The following RNASET2 variants were observed in gnomAD, a reference collection of about 807,000 sequenced individuals.
RNASET2 encodes the protein ribonuclease 6.
In RNASET2, 28 loss-of-function variants were observed where a neutral mutation model predicts 33.9. That is an observed-to-expected ratio of 0.83 (90% CI 0.61 to 1.13). The LOEUF is 1.13. Ranked by LOEUF, RNASET2 falls within the 50% of genes most tolerant of loss-of-function variation. The pLI, the probability that RNASET2 is intolerant of heterozygous loss-of-function variation, is 0.00. For missense variants in RNASET2, 330 were observed against 319.9 expected (o/e 1.03, Z -0.24); for synonymous variants, 123 against 121.0 (o/e 1.02, Z -0.11).
intron 1 of RNASET2, among the ~76,000 whole-genome samples, chr6:166,955,264 C>T (rs1479332615): frequency 9.0e-6 from 1 of 110,714 alleles, no homozygotes; most frequent in Non-Finnish European, 1.7e-5. Flanking sequence ...CACGCACACA[C>T]ACACACGCGC....
In RNASET2 at chr6:166,929,182, C is replaced by A. The variant is rs1395863516; in HGVS notation, c.*406G>T. 3.9e-5 allele frequency among the ~76,000 whole-genome samples: 6 copies of A among 152,236 alleles called. No individual in the cohort carries two copies. The highest frequency in any genetic ancestry group is 1.2e-4 in the African/African-American group (5 of 41,468). On this transcript the variant is annotated 3_prime_UTR_variant, in exon 9 of 9. Coordinates refer to ENST00000508775, the MANE Select transcript of RNASET2 (RefSeq NM_003730.6). Reference sequence around the variant, plus strand: ...GGCCCACCAGGCATCAGCGTGGGCTCCTGCCATGCGTGGAGCTCTTCGTCT... The same window carrying A: ...GGCCCACCAGGCATCAGCGTGGGCTACTGCCATGCGTGGAGCTCTTCGTCT...
In RNASET2 at chr6:166,934,078, A is replaced by G; in HGVS notation, c.492+13T>C. 6.2e-7 allele frequency: 1 copy of G among 1,604,438 alleles called. No homozygotes were observed. Among genetic ancestry groups the G allele is most frequent in the Non-Finnish European group, 8.5e-7 (1 of 1,171,254 alleles). ...GAGAGACACACGAGAAAAGAAGCAAAAGCAAGACTTACTTGGTAGTAATTG... is the reference window on the plus strand; with the variant it reads ...GAGAGACACACGAGAAAAGAAGCAAGAGCAAGACTTACTTGGTAGTAATTG... On this transcript the variant is annotated intron_variant, in intron 7 of 8. Transcript: ENST00000508775.
intron 1 of RNASET2, among the ~76,000 whole-genome samples, chr6:166,955,189 G>GCACACACACA: frequency 1.8e-5 from 1 of 56,650 alleles, no homozygotes. Flanking sequence ...ACACACACAC[G>GCACACACACA]CACACACGCA....
In RNASET2 at chr6:166,926,797, T is replaced by C. The variant is rs1778312778; in HGVS notation, c.*2791A>G. 6.6e-6 allele frequency among the ~76,000 whole-genome samples: 1 copy of C among 152,202 alleles called. No individual in the cohort carries two copies. Among genetic ancestry groups the C allele is most frequent in the South Asian group, 2.1e-4 (1 of 4,828 alleles). On this transcript the variant is annotated 3_prime_UTR_variant, in exon 9 of 9. Transcript: ENST00000508775. ...TCTCGCTTTTACCTATGGTGTCTTT[T>C]TCCACCATAAGTTCCACTCATCCCT...
intron 7 of RNASET2, chr6:166,931,668 C>T: frequency 5.8e-6 from 1 of 172,732 alleles, no homozygotes; most frequent in Non-Finnish European, 1.3e-5. Context: ...CCTCCTCGCT[C>T]TACTGAGGGA....
chr6:166,956,165 C>T lies in RNASET2; in HGVS notation c.18G>A (p.Leu6=). The T allele has an allele frequency of 6.5e-7, 1 of 1,549,786 alleles. No individual in the cohort carries two copies. Among genetic ancestry groups the T allele is most frequent in the Non-Finnish European group, 8.7e-7 (1 of 1,146,628 alleles). Reference sequence around the variant, plus strand: ...AGAGGCAGCCCAGCAGGGCCCCGCGCAGGGCTGCAGGGCGCATGGTGCCGA... The same window carrying T: ...AGAGGCAGCCCAGCAGGGCCCCGCGTAGGGCTGCAGGGCGCATGGTGCCGA... MRPAA[L]RGALLGCLCL... is the part of the protein sequence containing the mutation. Residue 6 remains leucine (L), a synonymous_variant, in exon 1 of 9, where the codon CTG becomes CTA. Coordinates refer to ENST00000508775, the MANE Select transcript of RNASET2 (RefSeq NM_003730.6).
rs986112052 is a variant in RNASET2 at position 166,943,598 on chromosome 6, G to A, written c.262-509C>T. The A allele has an allele frequency of 5.1e-5, 18 of 351,170 alleles. No homozygotes were observed. In the Admixed American group the frequency reaches 5.8e-4, roughly 11 times the overall value. The allele number at this position is 351,170 out of a possible 1,614,324, so 21.8% of individuals were successfully genotyped here. On this transcript the variant is annotated intron_variant, in intron 4 of 8. Coordinates refer to ENST00000508775, the MANE Select transcript of RNASET2 (RefSeq NM_003730.6). ...GGGTTTAGGGCCAGCGGCTGCTCCA[G>A]AGCACACTGGGTGGGACTTGCTCTC...
Position 166,955,341 on chromosome 6 carries a change from G to A in RNASET2, c.86+756C>T, listed in dbSNP as rs1374421634. ...CGCACACACACGCACGCACGCACAC[G>A]CACACGCACGCACACACACACGCAC... is the stretch of plus-strand genomic sequence containing the variant. On this transcript the variant is annotated intron_variant, in intron 1 of 8. Coordinates refer to ENST00000508775, the MANE Select transcript of RNASET2 (RefSeq NM_003730.6). The A allele has an allele frequency of 1.1e-3, 117 of 105,010 alleles. 5 individuals are homozygous for A. In the South Asian group the frequency reaches 0.027, roughly 24 times the overall value. The allele number at this position is 105,010 out of a possible 1,614,324, so 6.5% of individuals were successfully genotyped here.
rs1778253709 is a variant in RNASET2, at chr6:166,922,876, C to T, written c.*6712G>A. Among the ~76,000 whole-genome samples the T allele has an allele frequency of 6.6e-6, 1 of 152,206 alleles. No individual in the cohort carries two copies. The highest frequency in any genetic ancestry group is 2.4e-5 in the African/African-American group (1 of 41,442). Reference sequence around the variant, plus strand: ...ACAGGTACCAACCACCAAAGCTGTACACGCCAGGTTCAATGTCTTTGCTGG... The same window carrying T: ...ACAGGTACCAACCACCAAAGCTGTATACGCCAGGTTCAATGTCTTTGCTGG... On this transcript the variant is annotated 3_prime_UTR_variant, in exon 9 of 9. Transcript: ENST00000508775.
chr6:166,937,335 C>G (rs571913123), intron 6 of RNASET2, among the ~76,000 whole-genome samples: 2 of 152,086 alleles, frequency 1.3e-5, no homozygotes, highest in Non-Finnish European at 2.9e-5. Context: ...TGGGATTTCA[C>G]CATGTTGGCC....
At chr6:166,945,040 C>T (rs1025236978) in intron 4 of RNASET2, 2 of 145,574 alleles carry the variant, frequency 1.4e-5, no homozygotes, top group African/African-American at 5.5e-5. Context: ...CTCACCCACC[C>T]ACGTCCACAT....
rs1427844452 is a variant in RNASET2, at chr6:166,946,812, A to G, written c.204-73T>C. The G allele has an allele frequency of 9.5e-6, 8 of 840,416 alleles. No homozygotes were observed. The East Asian group carries it at 1.8e-4, about 19-fold the overall frequency. 52.1% of individuals were successfully genotyped at this position (840,416 alleles called of 1,614,324 possible). On this transcript the variant is annotated intron_variant, in intron 3 of 8. Transcript: ENST00000508775. ...TGGGGTGGCTTCTACATGACCTTAG[A>G]AAACACTTTCATTGAAGTCTGCAAA... is the stretch of plus-strand genomic sequence containing the variant.
Position 166,933,776 on chromosome 6 carries a change from G to T in RNASET2, c.492+315C>A. The T allele has an allele frequency of 2.5e-6, 1 of 403,800 alleles. No individual in the cohort carries two copies. The allele number at this position is 403,800 out of a possible 1,614,324, so 25.0% of individuals were successfully genotyped here. A position where few individuals can be genotyped will look rare whatever the true frequency, so the allele number is the denominator to read the frequency against. ...GAAAACAAACCACAAACAAATATAA[G>T]ACTACGTTATAAAAGTGAATGTGAC... On this transcript the variant is annotated intron_variant, in intron 7 of 8. Transcript: ENST00000508775. The surrounding 1 kb of genome is among the most constrained non-coding windows in gnomAD (Gnocchi z 4.1).
intron 7 of RNASET2, chr6:166,932,398 C>G (rs1316392934): frequency 6.5e-6 from 1 of 153,134 alleles, no homozygotes; most frequent in Non-Finnish European, 1.5e-5. Context: ...CCCTCCTGCT[C>G]TGCCCCTGAG....
intron 1 of RNASET2, among the ~76,000 whole-genome samples, chr6:166,955,290 G>GA (rs1779108777): frequency 1.5e-5 from 1 of 68,466 alleles, no homozygotes; most frequent in Non-Finnish European, 2.5e-5. Context: ...CGACACACAC[G>GA]CACAGACGCG....
At chr6:166,931,812 C>G (rs1778450001) in intron 7 of RNASET2, 1 of 155,158 alleles carries the variant, frequency 6.4e-6, no homozygotes, top group Admixed American at 6.4e-5. Context: ...ATGCCTTTTG[C>G]CCCTTGCCTC....
intron 5 of RNASET2, 22 bp downstream of exon 5, chr6:166,942,996 AG>A: frequency 1.2e-6 from 2 of 1,604,496 alleles, no homozygotes; most frequent in Non-Finnish European, 1.7e-6. Flanking sequence ...TAATCAAGAC[AG>A]CAATCAGAGG....
Position 166,929,740 on chromosome 6 carries a change from C to T in RNASET2, c.619G>A (p.Asp207Asn). 2 of 1,614,118 alleles carry T rather than the reference C, an allele frequency of 1.2e-6. No individual in the cohort carries two copies. The highest frequency in any genetic ancestry group is 1.7e-6 in the Non-Finnish European group (2 of 1,180,044). Residue 207 changes from aspartate (D) to asparagine (N), a missense_variant, in exon 9 of 9, where the codon GAC becomes AAC. Transcript: ENST00000508775. ...TCGGTGCAGTTTTGCAGCTGCTGGT[C>T]TTGCTTAGTGAGGCACAGTTCTATC... ...GQIELCLTKQ[D>N]QQLQNCTEPG...
rs1193864232 is a variant in RNASET2 at position 166,927,382 on chromosome 6, C to T, written c.*2206G>A. On this transcript the variant is annotated 3_prime_UTR_variant, in exon 9 of 9. Coordinates refer to ENST00000508775, the MANE Select transcript of RNASET2 (RefSeq NM_003730.6). ...GAACCATCCAGCCCCTCACCAGTGC[C>T]TTCTTCCATTTAGCTGACGTGACAA... Among the ~76,000 whole-genome samples, 2 of 152,142 alleles carry T rather than the reference C, an allele frequency of 1.3e-5. No homozygotes were observed. The highest frequency in any genetic ancestry group is 1.3e-4 in the Admixed American group (2 of 15,272).
Sources: gnomAD v4.1 joint callset for allele counts (sites outside exome capture counted in the v4.1 genomes callset) on GRCh38, gnomAD v4.1.1 for gene constraint, Gnocchi (gnomAD v3.1) non-coding constraint, MANE v1.5 for transcripts, NCBI Gene and HGNC (gene_info 2026-07-23, HGNC 2026-07-21) for gene names.